TRIM37: variants seen among roughly 807,000 people sequenced by gnomAD.
TRIM37 encodes tripartite motif containing 37.
TRIM37 carries 80 observed loss-of-function variants against 129.8 expected under a neutral mutation model. The ratio of observed to expected loss-of-function variants is 0.62; its 90% CI spans 0.51 to 0.74. TRIM37 has a LOEUF of 0.74. TRIM37 is among the 30% of genes least tolerant of loss of function. The pLI is 0.00. For missense variants in TRIM37, 1,054 were observed against 1,176.5 expected, an observed-to-expected ratio of 0.90 and a Z score of 1.52; for synonymous variants, 389 against 387.1, an observed-to-expected ratio of 1.00 and a Z score of -0.06.
intron 20 of TRIM37, 118 bp downstream of exon 20, chr17:59,017,178 T>C: frequency 1.5e-6 from 2 of 1,356,960 alleles, no homozygotes; most frequent in Non-Finnish European, 2.1e-6. Context: ...AAAGAAACTT[T>C]CAAATCCAAC....
At chr17:59,048,308 A>T (rs2040012711) in intron 15 of TRIM37, among the ~76,000 whole-genome samples, 1 of 152,164 alleles carries the variant, frequency 6.6e-6, no homozygotes, top group Non-Finnish European at 1.5e-5. Flanking sequence ...AAACCCTATT[A>T]TCTCTAGTTT....
chr17:59,063,333 C>A (rs936351970), intron 10 of TRIM37, among the ~76,000 whole-genome samples: 2 of 152,176 alleles, frequency 1.3e-5, no homozygotes, highest in East Asian at 3.9e-4. Context: ...GCGCCCACCA[C>A]CACGCCCAGC....
At chr17:58,971,332 C>A in the TRIM37 span, among the ~76,000 whole-genome samples, 2 of 152,086 alleles carry the variant, frequency 1.3e-5, no homozygotes, top group South Asian at 2.1e-4. Flanking sequence ...ATACAAGAGA[C>A]CTTTTACCAC....
chr17:58,987,542 A>G (rs2031931482), intron 24 of TRIM37, among the ~76,000 whole-genome samples: 1 of 152,234 alleles, frequency 6.6e-6, no homozygotes, highest in Non-Finnish European at 1.5e-5. Context: ...CCCAAACTAC[A>G]CTGTGGCTAA....
chr17:59,042,945 A>C (rs1039683322), intron 16 of TRIM37, among the ~76,000 whole-genome samples: 7 of 152,222 alleles, frequency 4.6e-5, no homozygotes, highest in Admixed American at 3.9e-4. Context: ...CACTGTTAGA[A>C]GAAATTACAG....
intron 12 of TRIM37, among the ~76,000 whole-genome samples, chr17:59,058,759 G>C (rs2041206249): frequency 6.6e-6 from 1 of 152,118 alleles, no homozygotes; most frequent in South Asian, 2.1e-4. Flanking sequence ...AGCTACTTGG[G>C]AGACTGAGGC....
chr17:59,064,090 T>C (rs2041730563), intron 10 of TRIM37: 1 of 386,394 alleles, frequency 2.6e-6, no homozygotes, highest in Non-Finnish European at 4.7e-6. Flanking sequence ...ATCACGCCAC[T>C]GCACTCCAGC....
intron 16 of TRIM37, among the ~76,000 whole-genome samples, chr17:59,045,687 T>C (rs143790401): frequency 1.1e-3 from 161 of 150,286 alleles, no homozygotes; most frequent in African/African-American, 3.7e-3. Context: ...TATGACCAAG[T>C]GGGATGTGTC....
chr17:59,096,566 A>G (rs550176082), intron 2 of TRIM37, among the ~76,000 whole-genome samples: 1 of 151,136 alleles, frequency 6.6e-6, no homozygotes, highest in Non-Finnish European at 1.5e-5. Context: ...AAAAAAACAA[A>G]AAAAAAAAAA....
At chr17:59,042,151 C>T (rs1025858534) in intron 16 of TRIM37, among the ~76,000 whole-genome samples, 3 of 148,176 alleles carry the variant, frequency 2.0e-5, no homozygotes, top group Non-Finnish European at 3.0e-5. Flanking sequence ...CTGAGGCAGG[C>T]GGATCACGAG....
chr17:58,972,291 T>C, the TRIM37 span: 2 of 1,607,574 alleles, frequency 1.2e-6, no homozygotes, highest in Non-Finnish European at 1.7e-6. Context: ...TATGGTCTGT[T>C]TTAATAGAGC....
At chr17:59,091,910 T>C (rs1599518096) in intron 2 of TRIM37, among the ~76,000 whole-genome samples, 2 of 151,674 alleles carry the variant, frequency 1.3e-5, no homozygotes, top group East Asian at 3.9e-4. Context: ...ATAATGGCAC[T>C]GTCTCCTTTG....
At chr17:59,037,419 G>A (rs547582845) in intron 17 of TRIM37, among the ~76,000 whole-genome samples, 4 of 151,544 alleles carry the variant, frequency 2.6e-5, no homozygotes, top group African/African-American at 7.3e-5. Context: ...TCAGCCGGGC[G>A]TGGTGGCGGG....
chr17:59,102,912 C>T (rs963545679), intron 2 of TRIM37, among the ~76,000 whole-genome samples: 4 of 151,704 alleles, frequency 2.6e-5, no homozygotes, highest in Admixed American at 6.6e-5. Flanking sequence ...CTCGCTCTGT[C>T]GCCAGGCTGG....
chr17:59,079,360 C>G (rs1202529436), intron 7 of TRIM37, among the ~76,000 whole-genome samples: 1 of 152,142 alleles, frequency 6.6e-6, no homozygotes, highest in Non-Finnish European at 1.5e-5. Context: ...GACTTTAAAT[C>G]TCTAAGAAAA....
At chr17:59,081,277 C>G (rs2043231566) in intron 5 of TRIM37, 58 bp from the exon 6 acceptor site, 1 of 1,590,688 alleles carries the variant, frequency 6.3e-7, no homozygotes. Context: ...CATTTACATT[C>G]CTTTGTAACA....
At chr17:59,029,970 C>T (rs1301344668) in intron 18 of TRIM37, among the ~76,000 whole-genome samples, 1 of 147,100 alleles carries the variant, frequency 6.8e-6, no homozygotes, top group African/African-American at 2.6e-5. Context: ...ATCTTCCTGA[C>T]ACTCAGTAAA....
At chr17:58,967,517 TATAG>T in the TRIM37 span, among the ~76,000 whole-genome samples, 36 of 149,462 alleles carry the variant, frequency 2.4e-4, no homozygotes, top group South Asian at 1.1e-3. Flanking sequence ...TATATATATA[TATAG>T]AGAGAGAGAG....
intron 8 of TRIM37, 85 bp downstream of exon 8, chr17:59,075,562 T>G (rs2042740964): frequency 1.6e-6 from 1 of 641,552 alleles, no homozygotes; most frequent in Admixed American, 4.0e-5. Context: ...AGACTCCATC[T>G]CAAAAAAAAA....
Sources: gnomAD v4.1 joint callset for allele counts (sites outside exome capture counted in the v4.1 genomes callset) on GRCh38, gnomAD v4.1.1 for gene constraint, MANE v1.5 for transcripts, NCBI Gene and HGNC (gene_info 2026-07-23, HGNC 2026-07-21) for gene names.